The following ZSWIM9 variants were observed in gnomAD, a reference collection of about 807,000 sequenced individuals.
ZSWIM9 encodes the protein zinc finger SWIM-type containing 9, also known as uncharacterized protein ZSWIM9.
A neutral mutation model predicts 25.0 loss-of-function variants in ZSWIM9; 11 were observed. The ratio of observed to expected loss-of-function variants is 0.44; its 90% CI spans 0.28 to 0.73. The LOEUF is 0.73. Among genes scored for constraint, ZSWIM9 ranks in the 30% least tolerant of loss-of-function variants. The pLI is 0.16. For missense variants in ZSWIM9, 1,070 were observed against 1,296.5 expected (o/e 0.83, Z 2.68); for synonymous variants, 562 against 582.1 (o/e 0.97, Z 0.50).
rs1312392269 is a variant in ZSWIM9 at position 48,195,009 on chromosome 19, G to C, written c.945G>C (p.Gln315His). The C allele has an allele frequency of 1.1e-5, 15 of 1,361,376 alleles. No individual in the cohort carries two copies. Among genetic ancestry groups the C allele is most frequent in the South Asian group, 1.5e-5 (1 of 65,900 alleles). The allele number at this position is 1,361,376 out of a possible 1,614,324, so 84.3% of individuals were successfully genotyped here. The part of the protein sequence containing the change: ...VRQLLPCARV[Q>H]ICRAQGLETL... ...AGCTGCTGCCCTGCGCGCGCGTGCA[G>C]ATCTGCCGCGCGCAGGGCCTGGAGA... The change falls in exon 4 of 4, where the codon CAG becomes CAC. Residue 315 changes from glutamine to histidine, a missense_variant. Transcript: ENST00000614654. The surrounding 1 kb of genome is among the most constrained non-coding windows in gnomAD (Gnocchi z 5.8).
chr19:48,180,738 T>C (rs2036938953), intron 2 of ZSWIM9: 1 of 149,030 alleles, frequency 6.7e-6, no homozygotes, highest in Non-Finnish European at 1.5e-5. Flanking sequence ...GTTTTCTTTT[T>C]CTTTTTTTCT....
At chr19:48,183,600 G>C (rs1008101538) in intron 3 of ZSWIM9, among the ~76,000 whole-genome samples, 2 of 151,622 alleles carry the variant, frequency 1.3e-5, no homozygotes, top group Admixed American at 1.3e-4. Flanking sequence ...GCAAGAAGGG[G>C]AGCCACAGTG....
intron 1 of ZSWIM9, chr19:48,171,416 G>A: frequency 1.0e-6 from 1 of 983,584 alleles, no homozygotes; most frequent in Non-Finnish European, 1.2e-6. Context: ...CAGCTGGAAG[G>A]GGAGGAGGTT....
In ZSWIM9 at chr19:48,172,046, G is replaced by A. The variant is rs1185806072; in HGVS notation, c.244G>A (p.Asp82Asn). 2.0e-6 allele frequency: 3 copies of A among 1,528,544 alleles called. No homozygotes were observed. Among genetic ancestry groups the A allele is most frequent in the African/African-American group, 1.4e-5 (1 of 72,828 alleles). The allele number at this position is 1,528,544 out of a possible 1,614,324, so 94.7% of individuals were successfully genotyped here. A position where few individuals can be genotyped will look rare whatever the true frequency, so the allele number is the denominator to read the frequency against. ...KYSYVRLVCK[D>N]VRAPSRPAVG... Reference sequence around the variant, plus strand: ...CAGCTACGTGCGGCTTGTGTGCAAGGACGTGCGTGCGCCCAGCCGGCCCGC... The same window carrying A: ...CAGCTACGTGCGGCTTGTGTGCAAGAACGTGCGTGCGCCCAGCCGGCCCGC... The change falls in exon 2 of 4, where the codon GAC becomes AAC. Residue 82 changes from aspartate to asparagine, a missense_variant. Asp to Asn is a conservative substitution (Grantham distance 23). Around this residue, in one of 4 missense-constraint regions of ZSWIM9, gnomAD observed 265 missense variants for 339.0 expected, o/e 0.78. Coordinates refer to ENST00000614654, the MANE Select transcript of ZSWIM9 (RefSeq NM_199341.4).
Position 48,175,624 on chromosome 19 carries a change from G to A in ZSWIM9, c.275+3547G>A, listed in dbSNP as rs185800389. On this transcript the variant is annotated intron_variant, in intron 2 of 3. Transcript: ENST00000614654. Reference sequence around the variant, plus strand: ...GGTGGAGGAAGATCCCTCTGGGGCCGTGTGGGAGACGATGTGGGGGAGAGA... The same window carrying A: ...GGTGGAGGAAGATCCCTCTGGGGCCATGTGGGAGACGATGTGGGGGAGAGA... Among the ~76,000 whole-genome samples, 330 of 152,218 alleles carry A rather than the reference G, an allele frequency of 2.2e-3. 1 individual carries two copies. The highest frequency in any genetic ancestry group is 3.4e-3 in the Middle Eastern group (1 of 294).
At position 48,196,356 on chromosome 19, in the gene ZSWIM9, AGTC is replaced by A. The variant is rs1440323785; in HGVS notation, c.2295_2297del (p.Val766del). ...GGCGGTGTCTAGGGCTGGGGAATGGAGTCGTGTCTGGCACCCCGGTGGGGACTG... is the reference window on the plus strand; with the variant it reads ...GGCGGTGTCTAGGGCTGGGGAATGGAGTGTCTGGCACCCCGGTGGGGACTG... On this transcript the variant is annotated inframe_deletion, in exon 4 of 4. Transcript: ENST00000614654. The A allele has an allele frequency of 8.9e-6, 11 of 1,232,380 alleles. No individual in the cohort carries two copies. The highest frequency in any genetic ancestry group is 1.1e-5 in the Non-Finnish European group (11 of 988,290). The allele number at this position is 1,232,380 out of a possible 1,614,324, so 76.3% of individuals were successfully genotyped here.
At chr19:48,171,087 G>A (rs2036794142) in intron 1 of ZSWIM9, 1 of 275,756 alleles carries the variant, frequency 3.6e-6, no homozygotes, top group South Asian at 1.4e-4. Context: ...ACACCTGTAG[G>A]CGAAGCGTGG....
intron 3 of ZSWIM9, among the ~76,000 whole-genome samples, chr19:48,192,766 ATAGTC>A (rs1350963756): frequency 6.6e-6 from 1 of 151,850 alleles, no homozygotes; most frequent in Non-Finnish European, 1.5e-5. Context: ...AAAAATTGTT[ATAGTC>A]AAGGCTACAG....
chr19:48,197,389 G>A lies in ZSWIM9; in HGVS notation c.*562G>A. The A allele has an allele frequency of 1.5e-6, 1 of 645,178 alleles. No homozygotes were observed. The highest frequency in any genetic ancestry group is 2.7e-5 in the East Asian group (1 of 36,542). The allele number at this position is 645,178 out of a possible 1,614,324, so 40.0% of individuals were successfully genotyped here. A position where few individuals can be genotyped will look rare whatever the true frequency, so the allele number is the denominator to read the frequency against. ...CAGGAGAGGAAGGGACGGGATGTAG[G>A]AGGGGGAAGAAAAATCGGAGATGAG... On this transcript the variant is annotated 3_prime_UTR_variant, in exon 4 of 4. Transcript: ENST00000614654.
At chr19:48,187,578 T>TTA (rs2037043769) in intron 3 of ZSWIM9, 1 of 60,708 alleles carries the variant, frequency 1.6e-5, no homozygotes, top group Non-Finnish European at 3.3e-5. Context: ...ATTATATATA[T>TTA]TATATATTAT....
chr19:48,190,467 A>T (rs535631212), intron 3 of ZSWIM9: 1 of 154,954 alleles, frequency 6.5e-6, no homozygotes, highest in South Asian at 2.0e-4. Context: ...GGGACCCAGG[A>T]GGATGGGCAT....
intron 2 of ZSWIM9, among the ~76,000 whole-genome samples, chr19:48,180,484 G>A (rs970016070): frequency 2.0e-5 from 3 of 151,950 alleles, no homozygotes; most frequent in African/African-American, 7.3e-5. Flanking sequence ...CTAGAAGGTA[G>A]CATCTTTCAA....
In ZSWIM9 at chr19:48,191,094, G is replaced by GTGTGTA. The variant is rs1414149023; in HGVS notation, c.589-3554_589-3553insATGTGT. Reference sequence around the variant, plus strand: ...GAGAAAGTGCAGTGTGTATGTGTATGTGTGTGTGTGTGTGTGTGTGTGTGT... The same window carrying GTGTGTA: ...GAGAAAGTGCAGTGTGTATGTGTATGTGTGTATGTGTGTGTGTGTGTGTGTGTGTGT... On this transcript the variant is annotated intron_variant, in intron 3 of 3. Coordinates refer to ENST00000614654, the MANE Select transcript of ZSWIM9 (RefSeq NM_199341.4). 1.8e-3 allele frequency among the ~76,000 whole-genome samples: 243 copies of GTGTGTA among 134,842 alleles called. 1 individual carries two copies. Among genetic ancestry groups the GTGTGTA allele is most frequent in the African/African-American group, 9.1e-3 (238 of 26,138 alleles). The allele number at this position is 134,842 out of a possible 152,430, so 88.5% of individuals were successfully genotyped here. A position where few individuals can be genotyped will look rare whatever the true frequency, so the allele number is the denominator to read the frequency against.
At chr19:48,191,102 G>GTA in intron 3 of ZSWIM9, among the ~76,000 whole-genome samples, 1 of 148,156 alleles carries the variant, frequency 6.7e-6, no homozygotes, top group East Asian at 1.9e-4. Flanking sequence ...ATGTGTGTGT[G>GTA]TGTGTGTGTG....
At chr19:48,173,644 T>C (rs192512281) in intron 2 of ZSWIM9, among the ~76,000 whole-genome samples, 1 of 152,118 alleles carries the variant, frequency 6.6e-6, no homozygotes, top group Admixed American at 6.5e-5. Context: ...TTATTTTATT[T>C]TATTTTATTT....
At chr19:48,192,327 G>C (rs2037102088) in intron 3 of ZSWIM9, among the ~76,000 whole-genome samples, 1 of 149,430 alleles carries the variant, frequency 6.7e-6, no homozygotes, top group Non-Finnish European at 1.5e-5. Context: ...GCGGGCACCT[G>C]TAATCCCAAC....
In ZSWIM9 at chr19:48,197,276, G is replaced by A. The variant is rs1312481148; in HGVS notation, c.*449G>A. On this transcript the variant is annotated 3_prime_UTR_variant, in exon 4 of 4. Coordinates refer to ENST00000614654, the MANE Select transcript of ZSWIM9 (RefSeq NM_199341.4). The stretch of plus-strand genomic sequence containing the variant: ...GACAGATGAAGGAGAGGAGGTAAGC[G>A]AGAAAAAATGGAAAGGGGAGCCGGA... 14 of 701,332 alleles carry A rather than the reference G, an allele frequency of 2.0e-5. No homozygotes were observed. Among genetic ancestry groups the A allele is most frequent in the Middle Eastern group, 4.6e-4 (2 of 4,328 alleles). 43.4% of individuals were successfully genotyped at this position (701,332 alleles called of 1,614,324 possible). A position where few individuals can be genotyped will look rare whatever the true frequency, so the allele number is the denominator to read the frequency against.
chr19:48,184,532 G>A (rs2036989553), intron 3 of ZSWIM9, among the ~76,000 whole-genome samples: 1 of 152,066 alleles, frequency 6.6e-6, no homozygotes, highest in African/African-American at 2.4e-5. Flanking sequence ...TTCAGCTCTG[G>A]CACACTCTTC....
chr19:48,182,681 CT>C lies in ZSWIM9; in HGVS notation c.503del (p.Leu168ArgfsTer30). 1 of 1,535,774 alleles carries C rather than the reference CT, an allele frequency of 6.5e-7. No homozygotes were observed. The highest frequency in any genetic ancestry group is 8.7e-7 in the Non-Finnish European group (1 of 1,146,626). ...GGCCCCAGCCGACGTGCGCCGCCTG[CT>C]GTCCTACTGCAAGGGCCGCGACCAC... ...FVAPADVRRLLSYCKGRDHGV... is the reference protein window; with the variant it reads ...FVAPADVRRLXSYCKGRDHGV... On this transcript the variant is annotated frameshift_variant, in exon 3 of 4. Transcript: ENST00000614654. LOFTEE classifies it high-confidence loss of function. The surrounding 1 kb of genome is among the most constrained non-coding windows in gnomAD (Gnocchi z 4.6).
Sources: allele counts gnomAD v4.1 joint callset (sites outside exome capture counted in the v4.1 genomes callset), GRCh38; gene constraint gnomAD v4.1.1; regional missense constraint gnomAD v4.1.1; non-coding constraint Gnocchi (gnomAD v3.1); transcripts MANE v1.5; gene names NCBI Gene and HGNC (gene_info 2026-07-23, HGNC 2026-07-21).